The following HDAC4 variants were observed in gnomAD, a reference collection of about 807,000 sequenced individuals.
The protein encoded by HDAC4 is histone deacetylase 4, also known as histone deacetylase A.
In HDAC4, 16 loss-of-function variants were observed where a neutral mutation model predicts 135.1. The observed-to-expected ratio is 0.12, with a 90% CI of 0.08 to 0.18. The LOEUF is 0.18. HDAC4 is among the 10% of genes least tolerant of loss of function. The pLI, the probability that HDAC4 is intolerant of heterozygous loss-of-function variation, is 1.00. For synonymous variants in HDAC4, 685 were observed against 653.4 expected (o/e 1.05, Z -0.74); for missense variants, 1,143 against 1,511.8 (o/e 0.76, Z 4.05).
At chr2:239,263,184 GC>G (rs1157588887) in intron 2 of HDAC4, among the ~76,000 whole-genome samples, 4 of 152,110 alleles carry the variant, frequency 2.6e-5, no homozygotes, top group African/African-American at 7.2e-5. Flanking sequence ...CCTAGCCTCT[GC>G]CCCAGAGGTC....
At chr2:239,112,955 T>C (rs775404757) in intron 13 of HDAC4, among the ~76,000 whole-genome samples, 23 of 152,316 alleles carry the variant, frequency 1.5e-4, no homozygotes, top group South Asian at 6.2e-4. Flanking sequence ...CTGGGCGTGG[T>C]GGCTCATGCC....
chr2:239,158,065 C>A (rs898187699), intron 6 of HDAC4, among the ~76,000 whole-genome samples: 3 of 152,250 alleles, frequency 2.0e-5, no homozygotes, highest in Admixed American at 6.5e-5. Context: ...AGGGCTGGGA[C>A]ACGCCTGTCT....
Position 239,094,067 on chromosome 2 carries a change from G to C in HDAC4, c.2280+943C>G, listed in dbSNP as rs763220444. On this transcript the variant is annotated intron_variant, in intron 17 of 26. Transcript: ENST00000543185. ...ATCCAGACCTTGAGCTTCACCCTGC[G>C]ATCAGTGATTACACACACACTGCAC... 8 of 985,246 alleles carry C rather than the reference G, an allele frequency of 8.1e-6. No homozygotes were observed. In the African/African-American group the frequency reaches 1.4e-4, roughly 17 times the overall value. 61.0% of individuals were successfully genotyped at this position (985,246 alleles called of 1,614,324 possible). A position where few individuals can be genotyped will look rare whatever the true frequency, so the allele number is the denominator to read the frequency against.
intron 12 of HDAC4, among the ~76,000 whole-genome samples, chr2:239,120,246 G>A (rs1369745834): frequency 1.3e-5 from 2 of 152,198 alleles, no homozygotes; most frequent in Non-Finnish European, 2.9e-5. Flanking sequence ...TGGGAGCACA[G>A]AGGAGCTACG....
chr2:239,134,971 C>T (rs899227959), intron 9 of HDAC4, among the ~76,000 whole-genome samples: 1 of 152,170 alleles, frequency 6.6e-6, no homozygotes, highest in Non-Finnish European at 1.5e-5. Context: ...TTTACAATGC[C>T]GTTTTGCAGT....
At chr2:239,247,535 G>A (rs927314492) in intron 2 of HDAC4, among the ~76,000 whole-genome samples, 2 of 152,156 alleles carry the variant, frequency 1.3e-5, no homozygotes, top group Admixed American at 6.5e-5. Flanking sequence ...TGCCCTCCAC[G>A]CCAGGGCATC....
intron 4 of HDAC4, among the ~76,000 whole-genome samples, chr2:239,183,093 A>G (rs2044257873): frequency 6.6e-6 from 1 of 152,212 alleles, no homozygotes; most frequent in Non-Finnish European, 1.5e-5. Context: ...ATAATGAGCA[A>G]TTTAAAATAA....
chr2:239,189,854 C>T lies in HDAC4; in HGVS notation c.318G>A (p.Ala106=), dbSNP rs972453387. 3.2e-5 allele frequency: 51 copies of T among 1,608,122 alleles called. No individual in the cohort carries two copies. The highest frequency in any genetic ancestry group is 2.0e-4 in the Middle Eastern group (1 of 4,946). The part of the protein sequence containing the change: ...QHEQLSRQHE[A]QLHEHIKQQQ... ...TCACCTTGATGTGCTCGTGGAGCTG[C>T]GCCTCGTGCTGCCGGGAGAGCTGCT... Residue 106 remains alanine (A), a synonymous_variant, in exon 4 of 27, where the codon GCG becomes GCA. Coordinates refer to ENST00000543185, the MANE Select transcript of HDAC4 (RefSeq NM_001378414.1).
chr2:239,120,399 A>ACAC (rs1448628879), intron 12 of HDAC4, among the ~76,000 whole-genome samples: 2 of 147,672 alleles, frequency 1.4e-5, no homozygotes, highest in Non-Finnish European at 3.0e-5. Flanking sequence ...ACAGACGCAC[A>ACAC]CAGACACACA....
intron 5 of HDAC4, 96 bp from the exon 6 acceptor site, chr2:239,164,019 G>A: frequency 6.8e-7 from 1 of 1,467,168 alleles, no homozygotes; most frequent in South Asian, 1.1e-5. Context: ...GAAGGGCTGG[G>A]GACGGCTATG....
At chr2:239,082,867 G>A (rs2035485703) in intron 20 of HDAC4, among the ~76,000 whole-genome samples, 2 of 152,216 alleles carry the variant, frequency 1.3e-5, no homozygotes, top group Admixed American at 1.3e-4. Flanking sequence ...TTCTGCCCCG[G>A]GCCACAGGGC....
intron 12 of HDAC4, among the ~76,000 whole-genome samples, chr2:239,119,148 G>A (rs3791430): frequency 2.6e-5 from 4 of 152,216 alleles, no homozygotes; most frequent in Non-Finnish European, 4.4e-5. Flanking sequence ...AGTCTGATGT[G>A]TAACGGGATG....
chr2:239,090,412 T>A (rs1241764269), intron 17 of HDAC4, among the ~76,000 whole-genome samples: 1 of 150,538 alleles, frequency 6.6e-6, no homozygotes, highest in African/African-American at 2.4e-5. Flanking sequence ...AAAGTAATGA[T>A]GTCAAGGTGA....
In HDAC4 at chr2:239,333,715, T is replaced by C. The variant is rs141913682; in HGVS notation, c.22+18963A>G. Among the ~76,000 whole-genome samples the C allele has an allele frequency of 5.2e-4, 79 of 152,276 alleles. 1 individual carries two copies. Among genetic ancestry groups the C allele is most frequent in the Non-Finnish European group, 1.0e-4 (7 of 68,008 alleles). ...AAATGAAAATACCATTTTTTGTAGATGGAAAAAGATCAAATATCTGCAATT... is the reference window on the plus strand; with the variant it reads ...AAATGAAAATACCATTTTTTGTAGACGGAAAAAGATCAAATATCTGCAATT... On this transcript the variant is annotated intron_variant, in intron 2 of 26. Transcript: ENST00000543185.
intron 2 of HDAC4, among the ~76,000 whole-genome samples, chr2:239,272,239 G>T (rs906006063): frequency 6.6e-6 from 1 of 152,140 alleles, no homozygotes; most frequent in African/African-American, 2.4e-5. Flanking sequence ...CCACATCATC[G>T]TTCCAATCCA....
rs139005836 is a variant in HDAC4 at position 239,082,484 on chromosome 2, A to G, written c.2533-263T>C. 5.8e-3 allele frequency among the ~76,000 whole-genome samples: 891 copies of G among 152,356 alleles called. 13 individuals carry two copies. The highest frequency in any genetic ancestry group is 0.02 in the African/African-American group (850 of 41,580). On this transcript the variant is annotated intron_variant, in intron 20 of 26. Coordinates refer to ENST00000543185, the MANE Select transcript of HDAC4 (RefSeq NM_001378414.1). The stretch of plus-strand genomic sequence containing the variant: ...TCCCTCGCCCTTAGCGCCATGGCAC[A>G]ATCCTGACTCCAGCAGCCGATGGGG...
intron 2 of HDAC4, among the ~76,000 whole-genome samples, chr2:239,321,409 G>T (rs985430204): frequency 7.2e-6 from 1 of 138,458 alleles, no homozygotes; most frequent in African/African-American, 2.7e-5. Context: ...AGCTTGCAGC[G>T]AGCCGAGATA....
intron 8 of HDAC4, among the ~76,000 whole-genome samples, chr2:239,140,701 G>A (rs923762778): frequency 3.4e-4 from 51 of 152,222 alleles, no homozygotes; most frequent in African/African-American, 1.2e-3. Flanking sequence ...TATGCGCAGC[G>A]CATACAGGTC....
intron 2 of HDAC4, among the ~76,000 whole-genome samples, chr2:239,300,823 G>A (rs1397817072): frequency 6.6e-6 from 1 of 152,234 alleles, no homozygotes; most frequent in Non-Finnish European, 1.5e-5. Flanking sequence ...GTGATGGGAG[G>A]GAGAAGTGAA....
Sources: gnomAD v4.1 joint callset for allele counts (sites outside exome capture counted in the v4.1 genomes callset) on GRCh38, gnomAD v4.1.1 for gene constraint, MANE v1.5 for transcripts, NCBI Gene and HGNC (gene_info 2026-07-23, HGNC 2026-07-21) for gene names.